The following EFHD1 variants were observed in gnomAD, a reference collection of about 807,000 sequenced individuals.
The protein encoded by EFHD1 is EF-hand domain family member D1.
In EFHD1, 10 loss-of-function variants were observed where a neutral mutation model predicts 17.2. That is an observed-to-expected ratio of 0.58 (90% confidence interval 0.36 to 0.99). The LOEUF (loss-of-function observed/expected upper bound fraction) is 0.99. Ranked by LOEUF, EFHD1 falls within the 50% of genes least tolerant of loss-of-function variation. The probability of loss-of-function intolerance (pLI) is 0.01; values close to 1 mark genes in which losing one functional copy is unlikely to be tolerated. For synonymous variants in EFHD1, 153 were observed against 142.0 expected, an observed-to-expected ratio of 1.08 and a Z score of -0.55; for missense variants, 310 against 327.5, an observed-to-expected ratio of 0.95 and a Z score of 0.41.
upstream of EFHD1, among the ~76,000 whole-genome samples, chr2:232,629,830 CTG>C (rs200168851): frequency 0.017 from 2,551 of 151,890 alleles, 68 homozygotes; most frequent in African/African-American, 0.058. Context: ...GCATTTATAA[CTG>C]TTAATAATTT....
At chr2:232,657,764 A>G (rs1158651711) in intron 1 of EFHD1, among the ~76,000 whole-genome samples, 1 of 149,772 alleles carries the variant, frequency 6.7e-6, no homozygotes, top group Non-Finnish European at 1.5e-5. Context: ...GTGAGCTGAG[A>G]TCGCACCACT....
chr2:232,628,358 G>A (rs951686543), intron 1 of EFHD1, among the ~76,000 whole-genome samples: 4 of 152,136 alleles, frequency 2.6e-5, no homozygotes, highest in African/African-American at 9.7e-5. Flanking sequence ...ACTGTGCCTG[G>A]CCATGACATG....
intron 1 of EFHD1, among the ~76,000 whole-genome samples, chr2:232,660,377 G>T (rs921284345): frequency 2.0e-5 from 3 of 151,570 alleles, no homozygotes; most frequent in African/African-American, 7.3e-5. Flanking sequence ...TGTATTTTTA[G>T]TAGAGATGGG....
chr2:232,643,493 G>A (rs959038704), intron 1 of EFHD1, among the ~76,000 whole-genome samples: 15 of 143,472 alleles, frequency 1.0e-4, no homozygotes, highest in Admixed American at 9.1e-4. Context: ...CTGCAGCCTC[G>A]ACCTCCTGGG....
intron 1 of EFHD1, among the ~76,000 whole-genome samples, chr2:232,607,635 A>T (rs1177284163): frequency 6.6e-6 from 1 of 151,688 alleles, no homozygotes; most frequent in Non-Finnish European, 1.5e-5. Flanking sequence ...ATGCGCTTAT[A>T]GTCCCAACTA....
chr2:232,677,175 C>G (rs911852558), intron 3 of EFHD1, among the ~76,000 whole-genome samples: 1 of 147,794 alleles, frequency 6.8e-6, no homozygotes, highest in African/African-American at 2.5e-5. Flanking sequence ...GAGTTTGAGA[C>G]CAGCCTGGGC....
chr2:232,627,058 ATATATATTT>A lies in EFHD1; in HGVS notation c.14+20887_14+20895del, dbSNP rs1394899749. Reference sequence around the variant, plus strand: ...TCTCTATATATATATATATATATATATATATATTTTTTTTTTTTTTTAATTAGCCAGTTG... The same window carrying A: ...TCTCTATATATATATATATATATATATTTTTTTTTTTTAATTAGCCAGTTG... On this transcript the variant is annotated intron_variant, in intron 1 of 3. Transcript: ENST00000409613. Among the ~76,000 whole-genome samples the A allele has an allele frequency of 1.5e-3, 180 of 121,786 alleles. 2 individuals are homozygous for A. The highest frequency in any genetic ancestry group is 5.1e-3 in the African/African-American group (160 of 31,186). The allele number at this position is 121,786 out of a possible 152,430, so 79.9% of individuals were successfully genotyped here.
In EFHD1 at chr2:232,644,301, G is replaced by A. The variant is rs563807867; in HGVS notation, c.302+10295G>A. Among the ~76,000 whole-genome samples, 561 of 152,112 alleles carry A rather than the reference G, an allele frequency of 3.7e-3. 4 individuals are homozygous for A. The highest frequency in any genetic ancestry group is 0.013 in the African/African-American group (519 of 41,500). ...TCTTTTATTCTTTTTCTCATCGGGG[G>A]TGCCATGCCCCTGATTTCGTCTCCT... On this transcript the variant is annotated intron_variant, in intron 1 of 3. Transcript: ENST00000264059.
intron 1 of EFHD1, among the ~76,000 whole-genome samples, chr2:232,613,131 G>C (rs929265058): frequency 6.6e-6 from 1 of 151,488 alleles, no homozygotes; most frequent in Non-Finnish European, 1.5e-5. Flanking sequence ...ATATATGAAA[G>C]CATATGTCCA....
chr2:232,609,563 T>G (rs1400166365), intron 1 of EFHD1, among the ~76,000 whole-genome samples: 1 of 152,042 alleles, frequency 6.6e-6, no homozygotes. Context: ...CCCCCCTAAG[T>G]GGCCCCCCAG....
Position 232,633,663 on chromosome 2 carries a change from C to G in EFHD1, c.-42C>G. ...CGCCGCCCGCCAGCTCCCTGCGTCC[C>G]GTCCCGCGTCCCCGCGTTCCCGCGT... On this transcript the variant is annotated 5_prime_UTR_variant, in exon 1 of 4. Transcript: ENST00000264059. 7.2e-7 allele frequency: 1 copy of G among 1,390,078 alleles called. No individual in the cohort carries two copies. 86.1% of individuals were successfully genotyped at this position (1,390,078 alleles called of 1,614,324 possible).
chr2:232,616,010 C>T (rs1006056632), intron 1 of EFHD1, among the ~76,000 whole-genome samples: 2 of 151,926 alleles, frequency 1.3e-5, no homozygotes, highest in East Asian at 1.9e-4. Context: ...TTTATTGAGG[C>T]GCAACATTGT....
At chr2:232,655,187 C>T (rs989084278) in intron 1 of EFHD1, among the ~76,000 whole-genome samples, 1 of 152,120 alleles carries the variant, frequency 6.6e-6, no homozygotes, top group Non-Finnish European at 1.5e-5. Flanking sequence ...CCTTAGTGGT[C>T]ATGTTTTTCT....
intron 1 of EFHD1, among the ~76,000 whole-genome samples, chr2:232,611,305 G>A (rs1223885997): frequency 5.0e-4 from 2 of 4,018 alleles, no homozygotes; most frequent in African/African-American, 3.7e-3. Flanking sequence ...CATCCTGGGG[G>A]TCGGGGGGGG....
At position 232,617,547 on chromosome 2, in the gene EFHD1, G is replaced by C. The variant is rs563929557; in HGVS notation, c.14+11374G>C. On this transcript the variant is annotated intron_variant, in intron 1 of 3. Transcript: ENST00000409613. ...TGGGCGCCTGTAGTCCCAGCTATTC[G>C]GGAGGCTGAGGCAGGAGAATGGCGT... Among the ~76,000 whole-genome samples the C allele has an allele frequency of 4.1e-4, 62 of 151,018 alleles. 1 individual carries two copies. The highest frequency in any genetic ancestry group is 4.1e-3 in the Admixed American group (62 of 15,152).
intron 2 of EFHD1, among the ~76,000 whole-genome samples, chr2:232,667,065 A>C (rs1384428614): frequency 6.6e-6 from 1 of 152,312 alleles, no homozygotes; most frequent in East Asian, 1.9e-4. Flanking sequence ...GACATTCCTA[A>C]CTGGAAACCA....
At chr2:232,664,591 G>C (rs1694935364) in intron 2 of EFHD1, among the ~76,000 whole-genome samples, 1 of 147,794 alleles carries the variant, frequency 6.8e-6, no homozygotes, top group South Asian at 2.2e-4. Context: ...AGCCACTGTG[G>C]CCATCCCCAA....
At chr2:232,664,817 G>A (rs1342775233) in intron 2 of EFHD1, among the ~76,000 whole-genome samples, 1 of 150,584 alleles carries the variant, frequency 6.6e-6, no homozygotes, top group Admixed American at 6.6e-5. Context: ...GTTTCACCAT[G>A]TTAGTCAGGA....
At chr2:232,656,888 C>T (rs1230177593) in intron 1 of EFHD1, among the ~76,000 whole-genome samples, 1 of 152,200 alleles carries the variant, frequency 6.6e-6, no homozygotes, top group Non-Finnish European at 1.5e-5. Context: ...AAGTGATCCT[C>T]CCCCTTCAGC....
Sources: gnomAD v4.1 joint callset for allele counts (sites outside exome capture counted in the v4.1 genomes callset) on GRCh38, gnomAD v4.1.1 for gene constraint, MANE v1.5 for transcripts, NCBI Gene and HGNC (gene_info 2026-07-23, HGNC 2026-07-21) for gene names.